Variants in XRCC4 observed in about 807,000 individuals in gnomAD.
XRCC4 encodes X-ray repair cross complementing 4.
Under a neutral mutation model 39.1 loss-of-function variants are expected in XRCC4, and 28 were observed. That is an observed-to-expected ratio of 0.72 (90% CI 0.53 to 0.98). XRCC4 has a LOEUF of 0.98. Ranked by LOEUF, XRCC4 falls within the 50% of genes least tolerant of loss-of-function variation. The probability of loss-of-function intolerance (pLI) is 0.00; values close to 1 mark genes in which losing one functional copy is unlikely to be tolerated. For missense variants in XRCC4, 350 were observed against 376.4 expected, an observed-to-expected ratio of 0.93 and a Z score of 0.58; for synonymous variants, 123 against 126.4, an observed-to-expected ratio of 0.97 and a Z score of 0.18.
rs191411129 is a variant in XRCC4 at position 83,311,508 on chromosome 5, A to T, written c.894-41623A>T. ...ACATCTATTACGTATCAATTAAAAA[A>T]TAGAAAAAAATCCTTAGAACCTTTG... On this transcript the variant is annotated intron_variant, in intron 7 of 7. Coordinates refer to ENST00000396027, the MANE Select transcript of XRCC4 (RefSeq NM_003401.5). Among the ~76,000 whole-genome samples, 672 of 152,322 alleles carry T rather than the reference A, an allele frequency of 4.4e-3. 9 individuals are homozygous for T. The highest frequency in any genetic ancestry group is 0.015 in the African/African-American group (629 of 41,574).
At chr5:83,364,083 T>C in the XRCC4 span, among the ~76,000 whole-genome samples, 2 of 152,256 alleles carry the variant, frequency 1.3e-5, no homozygotes, top group Middle Eastern at 3.4e-3. Context: ...ACACAAAGCA[T>C]TGTGAAAGAG....
chr5:83,112,292 G>A (rs1746478559), intron 3 of XRCC4, among the ~76,000 whole-genome samples: 1 of 152,174 alleles, frequency 6.6e-6, no homozygotes, highest in African/African-American at 2.4e-5. Flanking sequence ...TGTGGCCCAA[G>A]CTCAATCGGA....
intron 2 of XRCC4, 47 bp downstream of exon 2, chr5:83,105,105 T>G (rs754525111): frequency 1.3e-6 from 2 of 1,562,164 alleles, no homozygotes; most frequent in Middle Eastern, 1.7e-4. Context: ...AAGTGTGCTA[T>G]TCTTCAGTCC....
At chr5:83,112,543 C>T (rs975274573) in intron 3 of XRCC4, among the ~76,000 whole-genome samples, 21 of 152,100 alleles carry the variant, frequency 1.4e-4, no homozygotes, top group South Asian at 2.1e-4. Context: ...TGCTAAAAGA[C>T]GGGGCTTGGT....
At chr5:83,090,346 G>C (rs1299852386) in intron 1 of XRCC4, among the ~76,000 whole-genome samples, 1 of 151,666 alleles carries the variant, frequency 6.6e-6, no homozygotes, top group African/African-American at 2.4e-5. Flanking sequence ...GGTGGGGTTG[G>C]GGGGGGCTCC....
chr5:83,337,914 C>A, intron 7 of XRCC4, among the ~76,000 whole-genome samples: 1 of 152,012 alleles, frequency 6.6e-6, no homozygotes, highest in East Asian at 1.9e-4. Context: ...CCTTCTCTCC[C>A]GGAAGAGTCG....
At chr5:83,127,756 T>G (rs541822421) in intron 3 of XRCC4, among the ~76,000 whole-genome samples, 2 of 152,108 alleles carry the variant, frequency 1.3e-5, no homozygotes, top group Non-Finnish European at 2.9e-5. Context: ...GGACTTCATT[T>G]AATATTCCTT....
chr5:83,199,274 C>T (rs1158339437), intron 4 of XRCC4, among the ~76,000 whole-genome samples: 1 of 152,102 alleles, frequency 6.6e-6, no homozygotes, highest in East Asian at 1.9e-4. Flanking sequence ...TTCTTTCTTC[C>T]ATCTATGGGT....
chr5:83,234,995 ATATTAT>A (rs143400351), intron 6 of XRCC4, among the ~76,000 whole-genome samples: 1 of 151,570 alleles, frequency 6.6e-6, no homozygotes, highest in African/African-American at 2.4e-5. Flanking sequence ...TATCGCATTA[ATATTAT>A]TATTATTTTT....
chr5:83,349,366 A>G (rs1222948103), intron 7 of XRCC4, among the ~76,000 whole-genome samples: 1 of 152,226 alleles, frequency 6.6e-6, no homozygotes, highest in Non-Finnish European at 1.5e-5. Flanking sequence ...AGAATTTACA[A>G]AAAGTCTAAC....
chr5:83,268,618 A>G (rs1404415274), intron 7 of XRCC4, among the ~76,000 whole-genome samples: 1 of 152,176 alleles, frequency 6.6e-6, no homozygotes, highest in Non-Finnish European at 1.5e-5. Context: ...TGCTCCAACC[A>G]CAGGAAATAT....
intron 6 of XRCC4, among the ~76,000 whole-genome samples, chr5:83,211,401 G>A (rs1396018330): frequency 3.9e-5 from 6 of 152,170 alleles, no homozygotes; most frequent in Non-Finnish European, 7.3e-5. Context: ...GGTGTCAGTG[G>A]GTAGGTGTGT....
intron 7 of XRCC4, among the ~76,000 whole-genome samples, chr5:83,288,628 A>C (rs1017367499): frequency 1.3e-5 from 2 of 151,750 alleles, no homozygotes; most frequent in Non-Finnish European, 2.9e-5. Flanking sequence ...TTTTGTTTAC[A>C]TGGCTTCTGA....
intron 6 of XRCC4, among the ~76,000 whole-genome samples, chr5:83,252,784 A>G (rs912267303): frequency 6.6e-6 from 1 of 152,108 alleles, no homozygotes. Context: ...TTTACCCTAC[A>G]TCTCATCTGG....
Position 83,162,651 on chromosome 5 carries a change from A to T in XRCC4, c.316-33119A>T, listed in dbSNP as rs148178272. 3.2e-3 allele frequency among the ~76,000 whole-genome samples: 493 copies of T among 152,286 alleles called. 2 individuals carry two copies. The highest frequency in any genetic ancestry group is 0.011 in the African/African-American group (470 of 41,566). On this transcript the variant is annotated intron_variant, in intron 3 of 7. Transcript: ENST00000396027. ...TAACTTTCTCCTTTTTGCTTTTAAT[A>T]TATTTTTTTCTATGTGAATACAGTT... is the stretch of plus-strand genomic sequence containing the variant.
chr5:83,338,629 C>T (rs957187832), intron 7 of XRCC4, among the ~76,000 whole-genome samples: 6 of 152,040 alleles, frequency 3.9e-5, no homozygotes, highest in Non-Finnish European at 8.8e-5. Flanking sequence ...TATAGCAGGA[C>T]ATTTAAAGAA....
intron 3 of XRCC4, among the ~76,000 whole-genome samples, chr5:83,112,219 G>A (rs981287859): frequency 2.0e-5 from 3 of 152,048 alleles, no homozygotes; most frequent in Non-Finnish European, 2.9e-5. Context: ...ATTTAAAATA[G>A]GTTCAGTAAG....
intron 3 of XRCC4, among the ~76,000 whole-genome samples, chr5:83,172,851 C>T (rs116746991): frequency 0.015 from 2,209 of 152,170 alleles, 61 homozygotes; most frequent in African/African-American, 0.051. Context: ...TGAACAAGTT[C>T]TTTCTGTGAT....
intron 3 of XRCC4, among the ~76,000 whole-genome samples, chr5:83,135,168 C>T (rs1312536134): frequency 2.0e-5 from 3 of 152,196 alleles, no homozygotes; most frequent in Non-Finnish European, 4.4e-5. Flanking sequence ...ACCCCTTGAG[C>T]TTCCAGGGTG....
Sources: allele counts gnomAD v4.1 joint callset (sites outside exome capture counted in the v4.1 genomes callset), GRCh38; gene constraint gnomAD v4.1.1; transcripts MANE v1.5; gene names NCBI Gene and HGNC (gene_info 2026-07-23, HGNC 2026-07-21).